Variants in ZMYM4 observed in about 807,000 individuals in gnomAD.
The protein encoded by ZMYM4 is zinc finger MYM-type containing 4.
Under a neutral mutation model 183.2 loss-of-function variants are expected in ZMYM4, and 31 were observed. The ratio of observed to expected loss-of-function variants is 0.17; its 90% CI spans 0.13 to 0.23. The LOEUF is 0.23. ZMYM4 is among the 10% of genes least tolerant of loss of function. The pLI, the probability that ZMYM4 is intolerant of heterozygous loss-of-function variation, is 1.00. For missense variants in ZMYM4, 1,273 were observed against 1,840.3 expected, an observed-to-expected ratio of 0.69 and a Z score of 5.64; for synonymous variants, 592 against 631.2, an observed-to-expected ratio of 0.94 and a Z score of 0.93.
At position 35,387,221 on chromosome 1, in the gene ZMYM4, C is replaced by G; in HGVS notation, c.2055C>G (p.Leu685=). 6.2e-7 allele frequency: 1 copy of G among 1,614,184 alleles called. No individual in the cohort carries two copies. The highest frequency in any genetic ancestry group is 8.5e-7 in the Non-Finnish European group (1 of 1,180,024). ...GGTTTGCACGAAGTGTTGTGAAACT[C>G]AAATGTCAACACTGTAACCGTCTTT... ...HVGFARSVVK[L]KCQHCNRLFA... The change falls in exon 12 of 30, where the codon CTC becomes CTG. Residue 685 remains leucine, a synonymous_variant. Coordinates refer to ENST00000314607, the MANE Select transcript of ZMYM4 (RefSeq NM_005095.3).
chr1:35,397,534 T>C lies in ZMYM4; in HGVS notation c.3188T>C (p.Leu1063Pro). 6.2e-7 allele frequency: 1 copy of C among 1,607,880 alleles called. No homozygotes were observed. Among genetic ancestry groups the C allele is most frequent in the Non-Finnish European group, 8.5e-7 (1 of 1,177,982 alleles). ...GCAGAAGATGAAGAGAAGAAGACTCTATCTCAGGGAGGTTGGTATACTCTT... is the reference window on the plus strand; with the variant it reads ...GCAGAAGATGAAGAGAAGAAGACTCCATCTCAGGGAGGTTGGTATACTCTT... ...MIAEDEEKKTLSQGESQTSEH... is the reference protein window; with the variant it reads ...MIAEDEEKKTPSQGESQTSEH... The change falls in exon 20 of 30, where the codon CTA becomes CCA. Residue 1063 changes from leucine (L) to proline (P), a missense_variant. Physicochemically the swap from Leu to Pro is moderately conservative, Grantham distance 98. Coordinates refer to ENST00000314607, the MANE Select transcript of ZMYM4 (RefSeq NM_005095.3).
chr1:35,386,002 A>G, intron 10 of ZMYM4, 72 bp from the exon 11 acceptor site: 2 of 1,112,578 alleles, frequency 1.8e-6, no homozygotes, highest in Admixed American at 4.3e-5. Context: ...ATTGTATAGT[A>G]TTATTTAATT....
rs763716832 is a variant in ZMYM4 at position 35,317,122 on chromosome 1, C to CA, written c.40-8223dup. 5.0e-3 allele frequency among the ~76,000 whole-genome samples: 479 copies of CA among 96,732 alleles called. 3 individuals carry two copies. The highest frequency in any genetic ancestry group is 0.011 in the African/African-American group (275 of 25,412). The allele number at this position is 96,732 out of a possible 152,430, so 63.5% of individuals were successfully genotyped here. A position where few individuals can be genotyped will look rare whatever the true frequency, so the allele number is the denominator to read the frequency against. On this transcript the variant is annotated intron_variant, in intron 1 of 29. Coordinates refer to ENST00000314607, the MANE Select transcript of ZMYM4 (RefSeq NM_005095.3). ...GGGGGACAAGAGCGAGACTTCATCT[C>CA]AAAAAAAAAAAAAAAGTTAAAGTGC...
At chr1:35,318,962 C>T (rs1381490053) in intron 1 of ZMYM4, among the ~76,000 whole-genome samples, 2 of 152,150 alleles carry the variant, frequency 1.3e-5, no homozygotes, top group Admixed American at 6.5e-5. Flanking sequence ...TGTTGGCTCA[C>T]CACAACCTCC....
At chr1:35,294,532 A>C (rs962359451) in intron 1 of ZMYM4, among the ~76,000 whole-genome samples, 1 of 152,182 alleles carries the variant, frequency 6.6e-6, no homozygotes, top group African/African-American at 2.4e-5. Flanking sequence ...AGGGTCTTAA[A>C]TATGATACTG....
At chr1:35,304,429 T>C (rs913840469) in intron 1 of ZMYM4, among the ~76,000 whole-genome samples, 2 of 152,052 alleles carry the variant, frequency 1.3e-5, no homozygotes, top group African/African-American at 4.8e-5. Flanking sequence ...AGAATGTATT[T>C]TCTATTATTT....
intron 1 of ZMYM4, among the ~76,000 whole-genome samples, chr1:35,302,059 C>T (rs1229987703): frequency 3.9e-5 from 6 of 152,104 alleles, no homozygotes; most frequent in East Asian, 1.9e-4. Context: ...TCATAATAGC[C>T]GAAAAGTTGA....
At chr1:35,316,364 T>C (rs945618379) in intron 1 of ZMYM4, among the ~76,000 whole-genome samples, 12 of 152,208 alleles carry the variant, frequency 7.9e-5, no homozygotes, top group African/African-American at 2.9e-4. Context: ...GAATTTCAGT[T>C]GCCAAGGTTT....
intron 29 of ZMYM4, among the ~76,000 whole-genome samples, chr1:35,419,079 A>C (rs944640095): frequency 6.6e-6 from 1 of 152,134 alleles, no homozygotes; most frequent in Non-Finnish European, 1.5e-5. Context: ...GGGCACTTCC[A>C]ATATGTGGTG....
intron 1 of ZMYM4, among the ~76,000 whole-genome samples, chr1:35,303,525 C>T (rs1641387836): frequency 6.6e-6 from 1 of 152,124 alleles, no homozygotes; most frequent in African/African-American, 2.4e-5. Context: ...CCTGCCTCAC[C>T]CTCCCAAGTG....
intron 29 of ZMYM4, 21 bp from the exon 30 acceptor site, chr1:35,419,449 T>C: frequency 6.2e-7 from 1 of 1,605,472 alleles, no homozygotes; most frequent in Non-Finnish European, 8.5e-7. Context: ...TTTTCTCTTT[T>C]TTTTTTTCCC....
intron 2 of ZMYM4, among the ~76,000 whole-genome samples, chr1:35,349,251 G>A (rs1643507859): frequency 6.6e-6 from 1 of 152,120 alleles, no homozygotes; most frequent in Non-Finnish European, 1.5e-5. Flanking sequence ...GCCTCCCTAA[G>A]TGCTGGGATT....
At chr1:35,390,185 T>A in intron 15 of ZMYM4, 87 bp downstream of exon 15, 1 of 1,368,510 alleles carries the variant, frequency 7.3e-7, no homozygotes, top group Non-Finnish European at 9.7e-7. Flanking sequence ...GTGTAAACAG[T>A]TGTCATTAAT....
chr1:35,372,461 G>A (rs1219244750), intron 7 of ZMYM4, among the ~76,000 whole-genome samples: 1 of 152,134 alleles, frequency 6.6e-6, no homozygotes, highest in East Asian at 1.9e-4. Context: ...TGTACAATAT[G>A]GTGACTGTAG....
intron 15 of ZMYM4, 66 bp downstream of exon 15, chr1:35,390,164 G>C (rs1206531457): frequency 6.7e-7 from 1 of 1,501,620 alleles, no homozygotes; most frequent in East Asian, 2.3e-5. Context: ...TTCTTTTACA[G>C]ATCAGGAACT....
intron 16 of ZMYM4, 52 bp downstream of exon 16, chr1:35,392,404 G>A (rs528109866): frequency 1.3e-6 from 2 of 1,575,712 alleles, no homozygotes; most frequent in Admixed American, 3.8e-5. Flanking sequence ...TGAATGCAGT[G>A]GTCCCCTAAC....
chr1:35,285,020 G>A (rs1640404051), intron 1 of ZMYM4, among the ~76,000 whole-genome samples: 1 of 152,112 alleles, frequency 6.6e-6, no homozygotes, highest in African/African-American at 2.4e-5. Context: ...TAGACTTTCA[G>A]TTCTGTTCTA....
intron 1 of ZMYM4, among the ~76,000 whole-genome samples, chr1:35,319,012 C>T (rs532279578): frequency 6.6e-6 from 1 of 152,212 alleles, no homozygotes; most frequent in African/African-American, 2.4e-5. Flanking sequence ...TCGTGAGTAG[C>T]TGGGATTACA....
rs1484551265 is a variant in ZMYM4, at chr1:35,389,651, A to G, written c.2437-297A>G. 6.6e-6 allele frequency among the ~76,000 whole-genome samples: 1 copy of G among 151,700 alleles called. No homozygotes were observed. Among genetic ancestry groups the G allele is most frequent in the African/African-American group, 2.4e-5 (1 of 41,298 alleles). ...GCGCCTGTAGTCCCAGCTACCTGGG[A>G]GGCTGAGGCAGGAGAATTGCATGAA... On this transcript the variant is annotated intron_variant, in intron 14 of 29. Coordinates refer to ENST00000314607, the MANE Select transcript of ZMYM4 (RefSeq NM_005095.3). The surrounding 1 kb of genome is among the most constrained non-coding windows in gnomAD (Gnocchi z 4.0).
Sources: gnomAD v4.1 joint callset for allele counts (sites outside exome capture counted in the v4.1 genomes callset) on GRCh38, gnomAD v4.1.1 for gene constraint, Gnocchi (gnomAD v3.1) non-coding constraint, MANE v1.5 for transcripts, NCBI Gene and HGNC (gene_info 2026-07-23, HGNC 2026-07-21) for gene names.